Variants in PLOD1 observed in about 807,000 individuals in gnomAD.
PLOD1 encodes lysine hydroxylase.
A neutral mutation model predicts 94.7 loss-of-function variants in PLOD1; 70 were observed. The ratio of observed to expected loss-of-function variants is 0.74; its 90% CI spans 0.61 to 0.90. The LOEUF (loss-of-function observed/expected upper bound fraction) is 0.90. PLOD1 is among the 40% of genes least tolerant of loss of function. The pLI, the probability that PLOD1 is intolerant of heterozygous loss-of-function variation, is 0.00. For synonymous variants in PLOD1, 417 were observed against 400.2 expected, an observed-to-expected ratio of 1.04 and a Z score of -0.50; for missense variants, 905 against 972.7, an observed-to-expected ratio of 0.93 and a Z score of 0.93.
At chr1:11,944,917 T>G (rs1284424075) in intron 1 of PLOD1, among the ~76,000 whole-genome samples, 1 of 152,184 alleles carries the variant, frequency 6.6e-6, no homozygotes, top group Non-Finnish European at 1.5e-5. Flanking sequence ...CTTACCTGCC[T>G]GCTGTCAATC....
At chr1:11,965,172 G>A (rs569478118) in intron 13 of PLOD1, among the ~76,000 whole-genome samples, 13 of 148,332 alleles carry the variant, frequency 8.8e-5, no homozygotes, top group African/African-American at 3.3e-4. Flanking sequence ...TTTTAAACAT[G>A]CAGCAAGATG....
intron 1 of PLOD1, among the ~76,000 whole-genome samples, chr1:11,945,086 G>A (rs879778754): frequency 1.3e-4 from 20 of 152,310 alleles, no homozygotes; most frequent in Admixed American, 9.2e-4. Context: ...TGGAAGGGAC[G>A]TCATTGTCAC....
rs372534520 is a variant in PLOD1, at chr1:11,956,925, G to A, written c.652G>A (p.Val218Met). The change falls in exon 7 of 19, where the codon GTG (valine) becomes ATG (methionine). Residue 218 changes from valine to methionine, a missense_variant. Physicochemically the swap from Val to Met is conservative, Grantham distance 21 (BLOSUM62 1). Coordinates refer to ENST00000196061, the MANE Select transcript of PLOD1 (RefSeq NM_000302.4). The part of the protein sequence containing the change: ...QNLDGALDEV[V>M]LKFEMGHVRA... The stretch of plus-strand genomic sequence containing the variant: ...TGCTTTCTGACCCCCAGATGAGGTC[G>A]TGCTCAAGTTTGAAATGGGCCATGT... 58 of 1,612,198 alleles carry A rather than the reference G, an allele frequency of 3.6e-5. No individual in the cohort carries two copies. Among genetic ancestry groups the A allele is most frequent in the South Asian group, 1.1e-4 (10 of 91,036 alleles).
At chr1:11,935,346 A>G (rs917818193) in intron 1 of PLOD1, among the ~76,000 whole-genome samples, 1 of 152,058 alleles carries the variant, frequency 6.6e-6, no homozygotes, top group Non-Finnish European at 1.5e-5. Context: ...CCTCATGACC[A>G]TGGGAATGAG....
chr1:11,969,031 T>G (rs1645842586), intron 16 of PLOD1, among the ~76,000 whole-genome samples: 4 of 150,120 alleles, frequency 2.7e-5, no homozygotes, highest in Non-Finnish European at 3.0e-5. Context: ...TTTTTTTTTT[T>G]TTTTTTTTTT....
At chr1:11,968,873 G>C (rs1267132451) in intron 16 of PLOD1, among the ~76,000 whole-genome samples, 1 of 142,494 alleles carries the variant, frequency 7.0e-6, no homozygotes, top group African/African-American at 2.7e-5. Context: ...GTGGAGCCTC[G>C]CTCTGTCGCC....
intron 5 of PLOD1, among the ~76,000 whole-genome samples, chr1:11,953,649 G>A (rs530273703): frequency 2.2e-4 from 34 of 151,574 alleles, no homozygotes; most frequent in African/African-American, 4.6e-4. Flanking sequence ...AAGATTAGCC[G>A]TGCGTGGTGG....
intron 9 of PLOD1, 81 bp from the exon 10 acceptor site, chr1:11,960,565 G>A (rs2100754039): frequency 1.0e-6 from 1 of 996,562 alleles, no homozygotes; most frequent in East Asian, 2.4e-5. Flanking sequence ...GCCTGGCAGT[G>A]ACAGGAGGTG....
At position 11,958,463 on chromosome 1, in the gene PLOD1, G is replaced by A. The variant is rs1387509346; in HGVS notation, c.844-53G>A. 104 of 1,604,730 alleles carry A rather than the reference G, an allele frequency of 6.5e-5. No homozygotes were observed. The highest frequency in any genetic ancestry group is 8.3e-5 in the Non-Finnish European group (97 of 1,175,556). On this transcript the variant is annotated intron_variant, in intron 8 of 18. Coordinates refer to ENST00000196061, the MANE Select transcript of PLOD1 (RefSeq NM_000302.4). The surrounding 1 kb of genome is among the most constrained non-coding windows in gnomAD (Gnocchi z 4.3). ...CCTTGGGCCACCCTGGGGTGGAGTG[G>A]CAGTGCTGTGACTGGACACTGCTGG...
chr1:11,955,129 G>T (rs1254765044), intron 6 of PLOD1, among the ~76,000 whole-genome samples: 1 of 152,218 alleles, frequency 6.6e-6, no homozygotes, highest in Non-Finnish European at 1.5e-5. Flanking sequence ...TGGGGGATGC[G>T]CACAGCAGGT....
At chr1:11,968,525 T>G (rs1645838087) in intron 16 of PLOD1, among the ~76,000 whole-genome samples, 1 of 151,766 alleles carries the variant, frequency 6.6e-6, no homozygotes, top group African/African-American at 2.4e-5. Flanking sequence ...TTTCTTTTTT[T>G]TTTTTTTGAA....
chr1:11,954,631 T>C, intron 5 of PLOD1, 199 bp from the exon 6 acceptor site: 1 of 770,754 alleles, frequency 1.3e-6, no homozygotes, highest in Non-Finnish European at 2.4e-6. Flanking sequence ...TTTCTGTGAG[T>C]AGAGCCACTA....
At position 11,952,487 on chromosome 1, in the gene PLOD1, G is replaced by A. The variant is rs942824084; in HGVS notation, c.467-136G>A. 21 of 712,148 alleles carry A rather than the reference G, an allele frequency of 2.9e-5. No individual in the cohort carries two copies. The Admixed American group carries it at 3.4e-4, about 12-fold the overall frequency. The allele number at this position is 712,148 out of a possible 1,614,324, so 44.1% of individuals were successfully genotyped here. On this transcript the variant is annotated intron_variant, in intron 4 of 18. Coordinates refer to ENST00000196061, the MANE Select transcript of PLOD1 (RefSeq NM_000302.4). The stretch of plus-strand genomic sequence containing the variant: ...TGCAGCCCCACCTCCTGTCAATTCA[G>A]GAGGACTTCTGAGAGGTGACAGGGT...
rs763749506 is a variant in PLOD1, at chr1:11,974,649, C to T, written c.2029-4C>T. On this transcript the variant is annotated splice_region_variant and splice_polypyrimidine_tract_variant and intron_variant, in intron 18 of 18. Transcript: ENST00000196061. ...AAAGGCCACTGATGCTTTCTGTCTC[C>T]CAGGGCGGGGGCTGTCGGTTCCTGC... The T allele has an allele frequency of 6.2e-7, 1 of 1,613,018 alleles. No homozygotes were observed. The highest frequency in any genetic ancestry group is 8.5e-7 in the Non-Finnish European group (1 of 1,179,308).
intron 9 of PLOD1, among the ~76,000 whole-genome samples, chr1:11,959,945 T>G (rs1243341677): frequency 6.7e-6 from 1 of 150,218 alleles, no homozygotes; most frequent in Non-Finnish European, 1.5e-5. Context: ...TTTTTTTTTT[T>G]TTGAGATGGA....
chr1:11,956,212 C>A (rs931042002), intron 6 of PLOD1, among the ~76,000 whole-genome samples: 3 of 151,982 alleles, frequency 2.0e-5, no homozygotes, highest in Non-Finnish European at 4.4e-5. Flanking sequence ...GGTGAAACCC[C>A]GTCTCTACTA....
At chr1:11,970,389 C>T (rs1442354636) in intron 16 of PLOD1, among the ~76,000 whole-genome samples, 2 of 152,176 alleles carry the variant, frequency 1.3e-5, no homozygotes, top group Non-Finnish European at 2.9e-5. Context: ...GCTGAAGTTG[C>T]GCCACTGCGC....
In PLOD1 at chr1:11,957,202, T is replaced by C. The variant is rs1339696624; in HGVS notation, c.741+188T>C. 1.3e-6 allele frequency: 1 copy of C among 756,386 alleles called. No individual in the cohort carries two copies. Among genetic ancestry groups the C allele is most frequent in the African/African-American group, 1.7e-5 (1 of 58,740 alleles). 46.9% of individuals were successfully genotyped at this position (756,386 alleles called of 1,614,324 possible). ...CTTTTCCTGCTGTGGTGGTCAGTGG[T>C]ACTCTGTCTGTTCTTGCTGGTCACA... On this transcript the variant is annotated intron_variant, in intron 7 of 18. Transcript: ENST00000196061. This position sits in a 1 kb window ranked among gnomAD's most constrained non-coding sequence, Gnocchi z 4.1.
At position 11,967,072 on chromosome 1, in the gene PLOD1, G is replaced by A; in HGVS notation, c.1736G>A (p.Trp579Ter). 6.2e-7 allele frequency: 1 copy of A among 1,612,316 alleles called. No homozygotes were observed. The highest frequency in any genetic ancestry group is 8.5e-7 in the Non-Finnish European group (1 of 1,178,362). The change falls in exon 16 of 19, where the codon TGG (tryptophan) becomes TAG (stop). Residue 579 changes from tryptophan to a stop codon, truncating the protein, a stop_gained. Coordinates refer to ENST00000196061, the MANE Select transcript of PLOD1 (RefSeq NM_000302.4). LOFTEE classifies it high-confidence loss of function. ...GAGGAGATGGAGCACTTTGGCCAGT[G>A]GTCTCTGGGCAACAACAAGGTGGGA... is the stretch of plus-strand genomic sequence containing the variant. ...LVEEMEHFGQ[W>*]SLGNNKDNRI...
Sources: gnomAD v4.1 joint callset for allele counts (sites outside exome capture counted in the v4.1 genomes callset) on GRCh38, gnomAD v4.1.1 for gene constraint, Gnocchi (gnomAD v3.1) non-coding constraint, MANE v1.5 for transcripts, NCBI Gene and HGNC (gene_info 2026-07-23, HGNC 2026-07-21) for gene names.